CDC42BPA: variants seen among roughly 807,000 people sequenced by gnomAD.
CDC42BPA encodes CDC42 binding protein kinase alpha, also known as serine/threonine-protein kinase MRCK alpha.
CDC42BPA carries 80 observed loss-of-function variants against 223.5 expected under a neutral mutation model. That is an observed-to-expected ratio of 0.36 (90% confidence interval 0.30 to 0.43). The LOEUF (loss-of-function observed/expected upper bound fraction) is 0.43. CDC42BPA is among the 20% of genes least tolerant of loss of function. CDC42BPA has a pLI of 1.00. For missense variants in CDC42BPA, 1,743 were observed against 2,099.9 expected (o/e 0.83, Z 3.32); for synonymous variants, 694 against 718.6 (o/e 0.97, Z 0.55).
At chr1:227,034,300 C>G (rs942735718) in intron 26 of CDC42BPA, among the ~76,000 whole-genome samples, 3 of 152,106 alleles carry the variant, frequency 2.0e-5, no homozygotes, top group Admixed American at 6.6e-5. Flanking sequence ...TTTCCAGAAG[C>G]CTTTCTGATT....
At chr1:227,267,968 C>T (rs115696899) in intron 1 of CDC42BPA, among the ~76,000 whole-genome samples, 1,589 of 152,224 alleles carry the variant, frequency 0.01, 32 homozygotes, top group African/African-American at 0.035. Context: ...ACTAGTAGCA[C>T]GTATTTATTG....
chr1:227,203,170 T>G (rs776459054), intron 3 of CDC42BPA, among the ~76,000 whole-genome samples: 4 of 152,166 alleles, frequency 2.6e-5, no homozygotes, highest in Admixed American at 6.6e-5. Flanking sequence ...AGACAGCATA[T>G]GATTTTATCC....
At chr1:227,142,744 C>T (rs936539542) in intron 9 of CDC42BPA, among the ~76,000 whole-genome samples, 3 of 152,034 alleles carry the variant, frequency 2.0e-5, no homozygotes, top group Non-Finnish European at 4.4e-5. Flanking sequence ...CTCGGCCTCC[C>T]GAGTAGCTGG....
chr1:227,019,240 C>T (rs905088479), intron 32 of CDC42BPA, among the ~76,000 whole-genome samples: 8 of 152,232 alleles, frequency 5.3e-5, no homozygotes, highest in South Asian at 2.1e-4. Flanking sequence ...GATTCCATTT[C>T]AAGAAACCAT....
chr1:227,196,484 C>T (rs1167616210), intron 4 of CDC42BPA, among the ~76,000 whole-genome samples: 10 of 151,658 alleles, frequency 6.6e-5, no homozygotes, highest in East Asian at 5.8e-4. Context: ...GGACTACAGG[C>T]GCCCACCACC....
Position 227,080,963 on chromosome 1 carries a change from C to T in CDC42BPA, c.2410G>A (p.Val804Ile). Residue 804 changes from valine (V) to isoleucine (I), a missense_variant, in exon 17 of 37, where the codon GTT (valine) becomes ATT (isoleucine). By Grantham distance (29) the Val-to-Ile change is conservative (BLOSUM62 3). Coordinates refer to ENST00000366766, the MANE Select transcript of CDC42BPA (RefSeq NM_001394014.1). Reference sequence around the variant, plus strand: ...TCTTTCTTGTCTGCTAGATCTTTAACCTCTTCTTCTAACTGCTGGTTGTGT... The same window carrying T: ...TCTTTCTTGTCTGCTAGATCTTTAATCTCTTCTTCTAACTGCTGGTTGTGT... ...SIHNQQLEEEVKDLADKKESV... is the reference protein window; with the variant it reads ...SIHNQQLEEEIKDLADKKESV... 1 of 1,613,602 alleles carries T rather than the reference C, an allele frequency of 6.2e-7. No individual in the cohort carries two copies. Among genetic ancestry groups the T allele is most frequent in the Non-Finnish European group, 8.5e-7 (1 of 1,179,662 alleles).
intron 5 of CDC42BPA, among the ~76,000 whole-genome samples, chr1:227,163,740 A>ATATAT (rs936652813): frequency 1.2e-4 from 17 of 141,766 alleles, no homozygotes; most frequent in African/African-American, 4.3e-4. Flanking sequence ...GTAAAAAAAA[A>ATATAT]AAATATATAT....
At position 227,028,946 on chromosome 1, in the gene CDC42BPA, T is replaced by C. The variant is rs748728793; in HGVS notation, c.4143A>G (p.Pro1381=). ...AGATTGCCATCCACTGGACATTATA[T>C]GGGACTTGAATTTCTTTAAATTTTC... ...RHRKFKEIQV[P]YNVQWMAIFS... is the part of the protein sequence containing the mutation. Residue 1381 remains proline, a synonymous_variant, in exon 30 of 37, where the codon CCA becomes CCG. Transcript: ENST00000366766. 4 of 1,614,036 alleles carry C rather than the reference T, an allele frequency of 2.5e-6. No homozygotes were observed. Among genetic ancestry groups the C allele is most frequent in the African/African-American group, 1.3e-5 (1 of 74,936 alleles).
At chr1:227,042,297 G>GAGATATAGATATATATAT (rs922408596) in intron 23 of CDC42BPA, among the ~76,000 whole-genome samples, 1 of 147,608 alleles carries the variant, frequency 6.8e-6, no homozygotes, top group African/African-American at 2.6e-5. Context: ...ATACATATAT[G>GAGATATAGATATATATAT]ATATATATAT....
intron 3 of CDC42BPA, 66 bp downstream of exon 3, chr1:227,213,069 TG>T: frequency 1.2e-6 from 1 of 835,466 alleles, no homozygotes. Context: ...ATGAGCTCTA[TG>T]GAATTTTATA....
chr1:226,995,308 TC>T (rs1661400617), intron 35 of CDC42BPA, among the ~76,000 whole-genome samples: 1 of 152,178 alleles, frequency 6.6e-6, no homozygotes. Flanking sequence ...TGCACATCTT[TC>T]CCAGCCACTG....
chr1:227,252,519 C>T (rs1315553342), intron 2 of CDC42BPA, among the ~76,000 whole-genome samples: 1 of 152,084 alleles, frequency 6.6e-6, no homozygotes, highest in Non-Finnish European at 1.5e-5. Context: ...AAGGAGGGAA[C>T]ATTTCCCTCT....
intron 5 of CDC42BPA, among the ~76,000 whole-genome samples, chr1:227,171,352 T>G (rs542643060): frequency 6.6e-6 from 1 of 152,372 alleles, no homozygotes; most frequent in East Asian, 1.9e-4. Flanking sequence ...CTGGGCACAA[T>G]GGCTCACGCC....
At chr1:227,062,561 AG>A (rs1034642643) in intron 21 of CDC42BPA, among the ~76,000 whole-genome samples, 29 of 152,346 alleles carry the variant, frequency 1.9e-4, no homozygotes, top group Admixed American at 5.2e-4. Context: ...GCTTAAGGGC[AG>A]GAAGTATTGT....
Position 227,145,875 on chromosome 1 carries a change from C to T in CDC42BPA, c.895-138G>A, listed in dbSNP as rs975071728. 54 of 624,234 alleles carry T rather than the reference C, an allele frequency of 8.7e-5. No homozygotes were observed. The African/African-American group carries it at 9.6e-4, about 11-fold the overall frequency. The allele number at this position is 624,234 out of a possible 1,614,324, so 38.7% of individuals were successfully genotyped here. A position where few individuals can be genotyped will look rare whatever the true frequency, so the allele number is the denominator to read the frequency against. On this transcript the variant is annotated intron_variant, in intron 7 of 36. Coordinates refer to ENST00000366766, the MANE Select transcript of CDC42BPA (RefSeq NM_001394014.1). Reference sequence around the variant, plus strand: ...TGCATGTTGGTGCAAAGTACTAATACTAAAGGAATACAGGGATGAATGACA... The same window carrying T: ...TGCATGTTGGTGCAAAGTACTAATATTAAAGGAATACAGGGATGAATGACA...
intron 1 of CDC42BPA, among the ~76,000 whole-genome samples, chr1:227,313,974 C>T (rs1693958300): frequency 2.2e-5 from 3 of 135,790 alleles, no homozygotes; most frequent in African/African-American, 8.1e-5. Context: ...CATGTACAGA[C>T]AGCCTTGCAT....
chr1:227,189,579 T>C (rs961929523), intron 5 of CDC42BPA, among the ~76,000 whole-genome samples: 5 of 152,280 alleles, frequency 3.3e-5, no homozygotes, highest in Non-Finnish European at 5.9e-5. Flanking sequence ...GGGAATCTGA[T>C]AGGTGATGGA....
At position 227,002,305 on chromosome 1, in the gene CDC42BPA, T is replaced by C. The variant is rs577348687; in HGVS notation, c.4975+2689A>G. 8.4e-5 allele frequency among the ~76,000 whole-genome samples: 9 copies of C among 106,688 alleles called. No individual in the cohort carries two copies. In the South Asian group the frequency reaches 2.9e-3, roughly 35 times the overall value. 70.0% of individuals were successfully genotyped at this position (106,688 alleles called of 152,430 possible). A position where few individuals can be genotyped will look rare whatever the true frequency, so the allele number is the denominator to read the frequency against. ...GCTTACATCAATCATCAAATCTAGC[T>C]ATCGCTAATAAAAAGATTAATAAAA... On this transcript the variant is annotated intron_variant, in intron 35 of 36. Coordinates refer to ENST00000366766, the MANE Select transcript of CDC42BPA (RefSeq NM_001394014.1).
At chr1:227,007,104 T>TA (rs1426256202) in intron 34 of CDC42BPA, among the ~76,000 whole-genome samples, 1 of 152,176 alleles carries the variant, frequency 6.6e-6, no homozygotes, top group Non-Finnish European at 1.5e-5. Flanking sequence ...TTAAAAGCAG[T>TA]AAAAAATTCA....
Sources: gnomAD v4.1 joint callset for allele counts (sites outside exome capture counted in the v4.1 genomes callset) on GRCh38, gnomAD v4.1.1 for gene constraint, MANE v1.5 for transcripts, NCBI Gene and HGNC (gene_info 2026-07-23, HGNC 2026-07-21) for gene names.